TOX3: variants seen among roughly 807,000 people sequenced by gnomAD.
TOX3 encodes CAG trinucleotide repeat-containing gene F9 protein.
Under a neutral mutation model 64.3 loss-of-function variants are expected in TOX3, and 22 were observed. The ratio of observed to expected loss-of-function variants is 0.34; its 90% CI spans 0.24 to 0.49. TOX3 has a LOEUF of 0.49. TOX3 is among the 20% of genes least tolerant of loss of function. The pLI is 0.99. For missense variants in TOX3, 661 were observed against 714.4 expected, an observed-to-expected ratio of 0.93 and a Z score of 0.85; for synonymous variants, 291 against 273.6, an observed-to-expected ratio of 1.06 and a Z score of -0.63.
At position 52,540,293 on chromosome 16, in the gene TOX3, G is replaced by A. The variant is rs183859208; in HGVS notation, c.87+6344C>T. Among the ~76,000 whole-genome samples, 600 of 150,836 alleles carry A rather than the reference G, an allele frequency of 4.0e-3. 6 individuals are homozygous for A. The highest frequency in any genetic ancestry group is 0.013 in the African/African-American group (517 of 41,258). On this transcript the variant is annotated intron_variant, in intron 1 of 6. Coordinates refer to ENST00000219746, the MANE Select transcript of TOX3 (RefSeq NM_001080430.4). The stretch of plus-strand genomic sequence containing the variant: ...CCCAGCTACTCAGGAGGCCTGAGTA[G>A]CTGGGACCACAGGTATGTGTGCATC...
intron 1 of TOX3, among the ~76,000 whole-genome samples, chr16:52,475,015 T>C (rs1325146149): frequency 6.6e-6 from 1 of 152,126 alleles, no homozygotes; most frequent in Non-Finnish European, 1.5e-5. Flanking sequence ...TCCCTGTAAA[T>C]GTTCCCAGGG....
At chr16:52,502,607 C>T (rs2151465565) in intron 1 of TOX3, among the ~76,000 whole-genome samples, 1 of 152,194 alleles carries the variant, frequency 6.6e-6, no homozygotes, top group South Asian at 2.1e-4. Flanking sequence ...ACTTTGTCAT[C>T]AAAATGAAGA....
At position 52,437,570 on chromosome 16, in the gene TOX3, T is replaced by C. The variant is rs182429883; in HGVS notation, c.*1655A>G. 128 of 152,610 alleles carry C rather than the reference T, an allele frequency of 8.4e-4. No homozygotes were observed. Among genetic ancestry groups the C allele is most frequent in the African/African-American group, 3.0e-3 (124 of 41,554 alleles). 9.5% of individuals were successfully genotyped at this position (152,610 alleles called of 1,614,324 possible). A position where few individuals can be genotyped will look rare whatever the true frequency, so the allele number is the denominator to read the frequency against. Reference sequence around the variant, plus strand: ...ACAGGACAGATGCTGTAATTAATCATGCAAGACAACTGGGGATAGTGGTCA... The same window carrying C: ...ACAGGACAGATGCTGTAATTAATCACGCAAGACAACTGGGGATAGTGGTCA... On this transcript the variant is annotated 3_prime_UTR_variant, in exon 7 of 7. Coordinates refer to ENST00000219746, the MANE Select transcript of TOX3 (RefSeq NM_001080430.4).
intron 1 of TOX3, among the ~76,000 whole-genome samples, chr16:52,514,300 TG>T (rs1962386626): frequency 6.6e-6 from 1 of 152,206 alleles, no homozygotes; most frequent in African/African-American, 2.4e-5. Context: ...TCCAAATTAT[TG>T]GGGCCTAAAT....
At chr16:52,535,855 G>C (rs1962933892) in intron 1 of TOX3, among the ~76,000 whole-genome samples, 1 of 151,836 alleles carries the variant, frequency 6.6e-6, no homozygotes, top group Non-Finnish European at 1.5e-5. Flanking sequence ...ATCAAATACT[G>C]ATAAAAAAAA....
rs940470640 is a variant in TOX3, at chr16:52,492,320, T to C, written c.88-23746A>G. ...TCTATAAATCTCTATTTCAGTATAA[T>C]GAAATTTGGATATTACATTTTCTTC... is the stretch of plus-strand genomic sequence containing the variant. On this transcript the variant is annotated intron_variant, in intron 1 of 6. Transcript: ENST00000219746. Among the ~76,000 whole-genome samples, 75 of 146,472 alleles carry C rather than the reference T, an allele frequency of 5.1e-4. 1 individual carries two copies. Among genetic ancestry groups the C allele is most frequent in the Admixed American group, 9.0e-4 (13 of 14,486 alleles).
intron 2 of TOX3, 82 bp downstream of exon 2, chr16:52,468,427 T>C: frequency 8.0e-7 from 1 of 1,245,954 alleles, no homozygotes. Flanking sequence ...ATAAATTTGA[T>C]ACTTTGTTTT....
At chr16:52,464,925 G>A (rs1960809125) in intron 2 of TOX3, among the ~76,000 whole-genome samples, 2 of 145,890 alleles carry the variant, frequency 1.4e-5, no homozygotes, top group African/African-American at 5.1e-5. Flanking sequence ...TATTGATATA[G>A]AAATACTAAC....
intron 1 of TOX3, among the ~76,000 whole-genome samples, chr16:52,528,068 G>C (rs1962762481): frequency 6.6e-6 from 1 of 152,122 alleles, no homozygotes; most frequent in Non-Finnish European, 1.5e-5. Context: ...ATTAAATAAA[G>C]AACAGCAGGG....
At chr16:52,514,096 T>C (rs1207933345) in intron 1 of TOX3, among the ~76,000 whole-genome samples, 1 of 152,228 alleles carries the variant, frequency 6.6e-6, no homozygotes, top group African/African-American at 2.4e-5. Context: ...TATATTTTTC[T>C]TGACGTTTTA....
intron 3 of TOX3, among the ~76,000 whole-genome samples, chr16:52,463,692 TA>T (rs377712910): frequency 0.023 from 3,438 of 151,702 alleles, 113 homozygotes; most frequent in African/African-American, 0.071. Context: ...AATTAGACTT[TA>T]AAAAAAAATC....
At chr16:52,505,345 T>C (rs1025260827) in intron 1 of TOX3, among the ~76,000 whole-genome samples, 2 of 152,204 alleles carry the variant, frequency 1.3e-5, no homozygotes, top group African/African-American at 4.8e-5. Context: ...AACTTCTCAT[T>C]CCAATAAAAA....
chr16:52,491,037 C>T (rs1259525074), intron 1 of TOX3, among the ~76,000 whole-genome samples: 5 of 152,246 alleles, frequency 3.3e-5, no homozygotes, highest in African/African-American at 9.6e-5. Context: ...TCATACATGT[C>T]ACTGTCAGGG....
At chr16:52,516,705 T>A (rs539532005) in intron 1 of TOX3, among the ~76,000 whole-genome samples, 89 of 152,290 alleles carry the variant, frequency 5.8e-4, no homozygotes, top group Middle Eastern at 3.4e-3. Flanking sequence ...TATAAATGAA[T>A]ATGCATATCA....
chr16:52,473,905 A>G (rs747627182), intron 1 of TOX3, among the ~76,000 whole-genome samples: 2 of 152,138 alleles, frequency 1.3e-5, no homozygotes, highest in African/African-American at 2.4e-5. Context: ...TATGCACACA[A>G]TTCTGCTAAT....
chr16:52,445,435 G>A (rs936371187), intron 5 of TOX3: 5 of 152,296 alleles, frequency 3.3e-5, no homozygotes, highest in African/African-American at 1.2e-4. Flanking sequence ...AGGGGAAGGA[G>A]AGGAGACGAA....
In TOX3 at chr16:52,546,962, G is replaced by A. The variant is rs892687966; in HGVS notation, c.-239C>T. The A allele has an allele frequency of 3.1e-6, 3 of 980,532 alleles. No individual in the cohort carries two copies. The highest frequency in any genetic ancestry group is 2.4e-6 in the Non-Finnish European group (2 of 828,254). The allele number at this position is 980,532 out of a possible 1,614,324, so 60.7% of individuals were successfully genotyped here. ...GGCGGCCGGGGGGACGCGCCCCGCC[G>A]GGGCACCGAGGCAGCGCTGCGCGCG... is the stretch of plus-strand genomic sequence containing the variant. On this transcript the variant is annotated 5_prime_UTR_variant, in exon 1 of 7. Coordinates refer to ENST00000219746, the MANE Select transcript of TOX3 (RefSeq NM_001080430.4).
chr16:52,437,747 A>C lies in TOX3; in HGVS notation c.*1478T>G, dbSNP rs73583109. Among the ~76,000 whole-genome samples the C allele has an allele frequency of 5.2e-3, 784 of 151,930 alleles. 10 individuals carry two copies. The highest frequency in any genetic ancestry group is 0.018 in the African/African-American group (737 of 41,424). ...CAGCTAGTTCTAGCCCCCTCAAAAA[A>C]GCGATTACTTTTTTCTCTATACTTA... On this transcript the variant is annotated 3_prime_UTR_variant, in exon 7 of 7. Transcript: ENST00000219746.
rs1274810425 is a variant in TOX3 at position 52,464,113 on chromosome 16, G to A, written c.229C>T (p.Pro77Ser). 3.1e-6 allele frequency: 5 copies of A among 1,594,790 alleles called. No homozygotes were observed. The African/African-American group carries it at 6.7e-5, about 21-fold the overall frequency. Residue 77 changes from proline to serine, a missense_variant, in exon 3 of 7, where the codon CCT (proline) becomes TCT (serine). Coordinates refer to ENST00000219746, the MANE Select transcript of TOX3 (RefSeq NM_001080430.4). Reference sequence around the variant, plus strand: ...AGTACATCCGGCATGCCTAGGGCAGGGTCTGACTCTGGAGGAGGCGTGATT... The same window carrying A: ...AGTACATCCGGCATGCCTAGGGCAGAGTCTGACTCTGGAGGAGGCGTGATT... ...PPITPPPESD[P>S]ALGMPDVLLP...
Sources: allele counts gnomAD v4.1 joint callset (sites outside exome capture counted in the v4.1 genomes callset), GRCh38; gene constraint gnomAD v4.1.1; transcripts MANE v1.5; gene names NCBI Gene and HGNC (gene_info 2026-07-23, HGNC 2026-07-21).